KIF5B: variants seen among roughly 807,000 people sequenced by gnomAD.
The protein encoded by KIF5B is kinesin family member 5B, also known as kinesin-1 heavy chain.
KIF5B carries 49 observed loss-of-function variants against 132.8 expected under a neutral mutation model. The observed-to-expected ratio is 0.37, with a 90% CI of 0.29 to 0.47. KIF5B has a LOEUF of 0.47. Ranked by LOEUF, KIF5B falls within the 20% of genes least tolerant of loss-of-function variation. The pLI, the probability that KIF5B is intolerant of heterozygous loss-of-function variation, is 1.00. For missense variants in KIF5B, 780 were observed against 1,144.0 expected, an observed-to-expected ratio of 0.68 and a Z score of 4.59; for synonymous variants, 355 against 369.4, an observed-to-expected ratio of 0.96 and a Z score of 0.45.
At chr10:32,051,926 T>C (rs1485596382) in intron 1 of KIF5B, among the ~76,000 whole-genome samples, 3 of 152,186 alleles carry the variant, frequency 2.0e-5, no homozygotes. Flanking sequence ...GAAATGTACA[T>C]TATGCAGCTT....
At chr10:32,015,414 A>AT in intron 25 of KIF5B, 95 bp downstream of exon 25, 1 of 906,974 alleles carries the variant, frequency 1.1e-6, no homozygotes, top group Admixed American at 2.6e-5. Flanking sequence ...TAAAAAAATC[A>AT]TAACACTAAT....
Position 32,017,249 on chromosome 10 carries a change from T to A in KIF5B, c.2655A>T (p.Lys885Asn), listed in dbSNP as rs761519908. 1 of 1,614,238 alleles carries A rather than the reference T, an allele frequency of 6.2e-7. No homozygotes were observed. The highest frequency in any genetic ancestry group is 8.5e-7 in the Non-Finnish European group (1 of 1,180,034). ...KALESALKEA[K>N]ENASRDRKRY... ...GTTTGCGATCACGAGATGCATTTTC[T>A]TTAGCTTCTTTCAGTGCTGATTCCA... Residue 885 changes from lysine (K) to asparagine (N), a missense_variant, in exon 24 of 26, where the codon AAA becomes AAT. This residue lies in a region of KIF5B where 32 missense variants were observed against 71.1 expected (regional missense o/e 0.45). Coordinates refer to ENST00000302418, the MANE Select transcript of KIF5B (RefSeq NM_004521.3).
rs756259179 is a variant in KIF5B, at chr10:32,017,372, AAAG to A, written c.2545-16_2545-14del. The A allele has an allele frequency of 3.7e-6, 6 of 1,600,308 alleles. No individual in the cohort carries two copies. The South Asian group carries it at 6.6e-5, about 18-fold the overall frequency. On this transcript the variant is annotated splice_polypyrimidine_tract_variant and intron_variant, in intron 23 of 25. Transcript: ENST00000302418. ...TATCACGTACCAACTAAACGTACAC[AAAG>A]AAAACAAGGATTCCAGATTTAACAG... is the stretch of plus-strand genomic sequence containing the variant.
chr10:32,055,763 A>G, intron 1 of KIF5B, 85 bp downstream of exon 1: 1 of 1,543,708 alleles, frequency 6.5e-7, no homozygotes, highest in East Asian at 2.3e-5. Flanking sequence ...CTCCCTTTCA[A>G]TTCTGCACCC....
intron 3 of KIF5B, among the ~76,000 whole-genome samples, chr10:32,039,786 T>C (rs1841508437): frequency 6.6e-6 from 1 of 152,224 alleles, no homozygotes; most frequent in Non-Finnish European, 1.5e-5. Flanking sequence ...TACTAGGATG[T>C]CCTTGTTCTC....
At chr10:32,019,406 G>A (rs922664111) in intron 20 of KIF5B, among the ~76,000 whole-genome samples, 1 of 152,160 alleles carries the variant, frequency 6.6e-6, no homozygotes, top group Non-Finnish European at 1.5e-5. Context: ...AGAAAACTGA[G>A]TTTTGAGAAA....
intron 8 of KIF5B, 83 bp from the exon 9 acceptor site, chr10:32,036,077 C>T: frequency 1.2e-6 from 1 of 826,108 alleles, no homozygotes; most frequent in East Asian, 2.9e-5. Flanking sequence ...CATATGTCAT[C>T]AATAACCAGT....
rs1265286764 is a variant in KIF5B at position 32,019,908 on chromosome 10, C to T, written c.2256G>A (p.Glu752=). ...TTTCCTGATCTGTGGCTTTCAACTT[C>T]TCATGTTCTACTCTTAGACGTTCCT... The part of the protein sequence containing the change: ...LEQERLRVEH[E]KLKATDQEKS... Residue 752 remains glutamate (E), a synonymous_variant, in exon 20 of 26, where the codon GAG becomes GAA. Transcript: ENST00000302418. 6.2e-7 allele frequency: 1 copy of T among 1,612,540 alleles called. No individual in the cohort carries two copies. Among genetic ancestry groups the T allele is most frequent in the African/African-American group, 1.3e-5 (1 of 74,938 alleles).
chr10:32,018,897 T>C (rs1841219520), intron 20 of KIF5B, among the ~76,000 whole-genome samples: 1 of 152,102 alleles, frequency 6.6e-6, no homozygotes, highest in Non-Finnish European at 1.5e-5. Context: ...GGTCTCACTA[T>C]ATTGCCTAGG....
At chr10:32,014,742 C>T (rs906427613) in intron 25 of KIF5B, among the ~76,000 whole-genome samples, 35 of 152,178 alleles carry the variant, frequency 2.3e-4, no homozygotes, top group African/African-American at 8.2e-4. Context: ...TAATATGTAG[C>T]AAGAGCCTTA....
In KIF5B at chr10:32,024,501, C is replaced by T. The variant is rs1285285627; in HGVS notation, c.1726-1465G>A. On this transcript the variant is annotated intron_variant, in intron 15 of 25. Coordinates refer to ENST00000302418, the MANE Select transcript of KIF5B (RefSeq NM_004521.3). ...ATAGGAGGCCAGGTACGGTGGCTCA[C>T]GCCTGTAATCCCAGCAATTTGGGAG... Among the ~76,000 whole-genome samples the T allele has an allele frequency of 2.1e-4, 32 of 151,204 alleles. 1 individual carries two copies. Among genetic ancestry groups the T allele is most frequent in the Admixed American group, 1.6e-3 (25 of 15,230 alleles).
In KIF5B at chr10:32,055,897, C is replaced by T; in HGVS notation, c.77G>A (p.Gly26Asp). ...CTGAAACTTGGCGATGTACTTGTCG[C>T]CGCGGTTCACTTCAGACTCGTTGAG... is the stretch of plus-strand genomic sequence containing the variant. The part of the protein sequence containing the change: ...RPLNESEVNR[G>D]DKYIAKFQGE... The change falls in exon 1 of 26, where the codon GGC (glycine) becomes GAC (aspartate). Residue 26 changes from glycine (G) to aspartate (D), a missense_variant. By Grantham distance (94) the Gly-to-Asp change is moderately conservative (BLOSUM62 -1). Coordinates refer to ENST00000302418, the MANE Select transcript of KIF5B (RefSeq NM_004521.3). 6.2e-7 allele frequency: 1 copy of T among 1,612,964 alleles called. No homozygotes were observed. Among genetic ancestry groups the T allele is most frequent in the Non-Finnish European group, 8.5e-7 (1 of 1,179,880 alleles).
rs968473274 is a variant in KIF5B at position 32,018,159 on chromosome 10, G to A, written c.2440-3C>T. On this transcript the variant is annotated splice_polypyrimidine_tract_variant and splice_region_variant and intron_variant, in intron 22 of 25. Transcript: ENST00000302418. ...TCATCAGAATCAATCTCAGCACTCT[G>A]AGAAAAGAAGGTAAGTATTACAAAA... 6.3e-7 allele frequency: 1 copy of A among 1,579,894 alleles called. No homozygotes were observed. Among genetic ancestry groups the A allele is most frequent in the South Asian group, 1.2e-5 (1 of 86,164 alleles).
At position 32,028,460 on chromosome 10, in the gene KIF5B, T is replaced by C. The variant is rs1332214409; in HGVS notation, c.1693A>G (p.Ile565Val). Residue 565 changes from isoleucine to valine, a missense_variant, in exon 15 of 26, where the codon ATA becomes GTA. Ile to Val is a conservative substitution (Grantham distance 29, BLOSUM62 3). Coordinates refer to ENST00000302418, the MANE Select transcript of KIF5B (RefSeq NM_004521.3). Reference sequence around the variant, plus strand: ...TCATTATTTCCCACAGCAATTCCTATTTCTGCAAGGTCTTTTAGTAAAGAT... The same window carrying C: ...TCATTATTTCCCACAGCAATTCCTACTTCTGCAAGGTCTTTTAGTAAAGAT... ...MASLLKDLAE[I>V]GIAVGNNDVK... The C allele has an allele frequency of 1.2e-6, 2 of 1,612,972 alleles. No homozygotes were observed. The highest frequency in any genetic ancestry group is 1.3e-5 in the African/African-American group (1 of 75,022).
chr10:32,039,545 G>T, intron 3 of KIF5B, 114 bp from the exon 4 acceptor site: 1 of 603,462 alleles, frequency 1.7e-6, no homozygotes. Context: ...TATTTTTGTG[G>T]AAACGGCTCT....
Position 32,034,044 on chromosome 10 carries a change from A to G in KIF5B, c.1112-6T>C, listed in dbSNP as rs924733052. ...ATCAATAGGCACCGTCTCCCCTAAA[A>G]TAAGAAAATAAAGTGGTTAATAAAA... On this transcript the variant is annotated splice_region_variant and splice_polypyrimidine_tract_variant and intron_variant, in intron 11 of 25. Coordinates refer to ENST00000302418, the MANE Select transcript of KIF5B (RefSeq NM_004521.3). 3.9e-6 allele frequency: 6 copies of G among 1,528,304 alleles called. 1 individual carries two copies. In the African/African-American group the frequency reaches 8.5e-5, roughly 22 times the overall value. 94.7% of individuals were successfully genotyped at this position (1,528,304 alleles called of 1,614,324 possible).
intron 2 of KIF5B, among the ~76,000 whole-genome samples, chr10:32,043,131 G>T (rs1841563328): frequency 6.6e-6 from 1 of 152,088 alleles, no homozygotes; most frequent in South Asian, 2.1e-4. Flanking sequence ...AGCCTCCCAA[G>T]TAGCTGGGAT....
chr10:32,035,601 T>C lies in KIF5B; in HGVS notation c.883A>G (p.Arg295Gly), dbSNP rs553205253. Reference protein sequence around the residue: ...ILQDSLGGNCRTTIVICCSPS... With the variant: ...ILQDSLGGNCGTTIVICCSPS... ...GAGCAGCAAATTACAATAGTGGTTC[T>C]ACAGTTGCCACCTAATGAATCTTGA... is the stretch of plus-strand genomic sequence containing the variant. The change falls in exon 10 of 26, where the codon AGA becomes GGA. Residue 295 changes from arginine (R) to glycine (G), a missense_variant. Transcript: ENST00000302418. The C allele has an allele frequency of 6.2e-7, 1 of 1,612,886 alleles. No individual in the cohort carries two copies. The highest frequency in any genetic ancestry group is 1.7e-5 in the Admixed American group (1 of 60,020).
chr10:32,039,652 A>C (rs944404057), intron 3 of KIF5B, among the ~76,000 whole-genome samples: 1 of 152,140 alleles, frequency 6.6e-6, no homozygotes, highest in African/African-American at 2.4e-5. Context: ...TCATTTAATC[A>C]CTAGATTTAG....
Sources: allele counts gnomAD v4.1 joint callset (sites outside exome capture counted in the v4.1 genomes callset), GRCh38; gene constraint gnomAD v4.1.1; regional missense constraint gnomAD v4.1.1; transcripts MANE v1.5; gene names NCBI Gene and HGNC (gene_info 2026-07-23, HGNC 2026-07-21).